NSMCE2: variants seen among roughly 807,000 people sequenced by gnomAD.
NSMCE2 encodes NSE2 SUMO ligase component of SMC5/6 complex, also known as E3 SUMO-protein ligase NSE2.
A neutral mutation model predicts 23.8 loss-of-function variants in NSMCE2; 24 were observed. The ratio of observed to expected loss-of-function variants is 1.01; its 90% CI spans 0.73 to 1.42. The LOEUF (loss-of-function observed/expected upper bound fraction) is 1.42. Among genes scored for constraint, NSMCE2 ranks in the 40% most tolerant of loss-of-function variants. The probability of loss-of-function intolerance (pLI) is 0.00; values close to 1 mark genes in which losing one functional copy is unlikely to be tolerated. For missense variants in NSMCE2, 284 were observed against 296.5 expected (o/e 0.96, Z 0.31); for synonymous variants, 92 against 94.1 (o/e 0.98, Z 0.13).
chr8:125,246,151 T>G (rs1367917548), intron 5 of NSMCE2, among the ~76,000 whole-genome samples: 1 of 152,122 alleles, frequency 6.6e-6, no homozygotes, highest in Non-Finnish European at 1.5e-5. Flanking sequence ...CTGTGACAAT[T>G]CAATCTGCAA....
intron 3 of NSMCE2, among the ~76,000 whole-genome samples, chr8:125,110,818 A>T: frequency 7.5e-6 from 1 of 133,740 alleles, no homozygotes. Context: ...TTTTTTTTAA[A>T]TACCCAAATG....
intron 3 of NSMCE2, among the ~76,000 whole-genome samples, chr8:125,133,844 C>T (rs1344079771): frequency 6.6e-6 from 1 of 150,584 alleles, no homozygotes; most frequent in African/African-American, 2.5e-5. Context: ...GAGAAAACGC[C>T]GTTTATGATT....
chr8:125,236,821 T>C (rs1010233947), intron 5 of NSMCE2, among the ~76,000 whole-genome samples: 8 of 152,176 alleles, frequency 5.3e-5, no homozygotes, highest in East Asian at 3.9e-4. Context: ...TTCTTTCTTT[T>C]TTTTTTTTCT....
chr8:125,301,732 G>A (rs759834563), intron 5 of NSMCE2, among the ~76,000 whole-genome samples: 33 of 148,794 alleles, frequency 2.2e-4, no homozygotes, highest in Non-Finnish European at 2.5e-4. Context: ...GCACAGTCTC[G>A]GCTCACTACA....
At chr8:125,279,639 A>G (rs1468476833) in intron 5 of NSMCE2, among the ~76,000 whole-genome samples, 1 of 152,174 alleles carries the variant, frequency 6.6e-6, no homozygotes, top group Non-Finnish European at 1.5e-5. Flanking sequence ...TGCTACTTTG[A>G]TTTTTCTCTT....
intron 3 of NSMCE2, among the ~76,000 whole-genome samples, chr8:125,112,595 T>C (rs1333147595): frequency 6.6e-6 from 1 of 152,150 alleles, no homozygotes; most frequent in African/African-American, 2.4e-5. Context: ...TGCAACAACA[T>C]GGGTGAATCT....
intron 5 of NSMCE2, among the ~76,000 whole-genome samples, chr8:125,284,233 A>G (rs1019507158): frequency 2.6e-5 from 4 of 151,412 alleles, no homozygotes; most frequent in African/African-American, 9.7e-5. Context: ...AAGTTCTGCC[A>G]CTTTGTTAAA....
intron 4 of NSMCE2, among the ~76,000 whole-genome samples, chr8:125,154,028 TTAAAA>T (rs1467430073): frequency 3.3e-5 from 5 of 152,198 alleles, no homozygotes; most frequent in Non-Finnish European, 2.9e-5. Context: ...AATGAGTTGT[TTAAAA>T]TAAGATTATT....
At chr8:125,180,924 A>T (rs1343676007) in intron 4 of NSMCE2, among the ~76,000 whole-genome samples, 2 of 152,236 alleles carry the variant, frequency 1.3e-5, no homozygotes, top group African/African-American at 2.4e-5. Context: ...GATAAATCAG[A>T]CATCTTTCAA....
At chr8:125,266,382 T>C (rs1480930266) in intron 5 of NSMCE2, among the ~76,000 whole-genome samples, 1 of 152,250 alleles carries the variant, frequency 6.6e-6, no homozygotes, top group Non-Finnish European at 1.5e-5. Context: ...CAGTGGCATG[T>C]CTTATAAAGT....
In NSMCE2 at chr8:125,102,148, T is replaced by TGAGTG. The variant is rs1407787794; in HGVS notation, c.-15+4_-15+8dup. 4 of 562,656 alleles carry TGAGTG rather than the reference T, an allele frequency of 7.1e-6. No homozygotes were observed. The highest frequency in any genetic ancestry group is 1.3e-5 in the Non-Finnish European group (4 of 314,774). The allele number at this position is 562,656 out of a possible 1,614,324, so 34.9% of individuals were successfully genotyped here. ...GTCCAGCTGTGTTTGGTGGCCCAGG[T>TGAGTG]GAGTGGCACAGTGATTTGGTGTCTT... On this transcript the variant is annotated splice_region_variant and intron_variant, in intron 2 of 7. Coordinates refer to ENST00000287437, the MANE Select transcript of NSMCE2 (RefSeq NM_173685.4).
At chr8:125,109,785 G>A (rs1031956405) in intron 3 of NSMCE2, among the ~76,000 whole-genome samples, 9 of 151,982 alleles carry the variant, frequency 5.9e-5, no homozygotes, top group African/African-American at 2.2e-4. Flanking sequence ...CCTGTGTTAC[G>A]TTAGAATATA....
rs529442658 is a variant in NSMCE2 at position 125,311,936 on chromosome 8, C to T, written c.419-45283C>T. On this transcript the variant is annotated intron_variant, in intron 5 of 7. Transcript: ENST00000287437. The stretch of plus-strand genomic sequence containing the variant: ...ATACAAAATTAGCCAGGCATGGTGG[C>T]GCATGCCTGTAATCCCAGCTACTCA... Among the ~76,000 whole-genome samples the T allele has an allele frequency of 8.6e-5, 13 of 151,886 alleles. No individual in the cohort carries two copies. In the East Asian group the frequency reaches 1.4e-3, roughly 16 times the overall value.
intron 3 of NSMCE2, among the ~76,000 whole-genome samples, chr8:125,121,748 G>A (rs561872877): frequency 3.3e-5 from 5 of 152,230 alleles, no homozygotes; most frequent in East Asian, 3.9e-4. Context: ...AATGCCTTAT[G>A]TGTATTCATT....
chr8:125,172,754 G>A (rs2130773152), intron 4 of NSMCE2, among the ~76,000 whole-genome samples: 1 of 152,314 alleles, frequency 6.6e-6, no homozygotes, highest in East Asian at 1.9e-4. Flanking sequence ...AGATACTTTA[G>A]TCTTAGCTTT....
At chr8:125,307,638 G>C (rs1828816865) in intron 5 of NSMCE2, among the ~76,000 whole-genome samples, 1 of 152,234 alleles carries the variant, frequency 6.6e-6, no homozygotes, top group African/African-American at 2.4e-5. Flanking sequence ...CCAAGAGGAA[G>C]CTACAGGGTT....
intron 5 of NSMCE2, among the ~76,000 whole-genome samples, chr8:125,246,403 C>T (rs1267204020): frequency 4.6e-5 from 7 of 151,986 alleles, no homozygotes; most frequent in South Asian, 4.1e-4. Context: ...CAGCTGCTCT[C>T]GATCTCCTGA....
chr8:125,219,791 C>T (rs2130912885), intron 5 of NSMCE2, among the ~76,000 whole-genome samples: 1 of 152,262 alleles, frequency 6.6e-6, no homozygotes, highest in Non-Finnish European at 1.5e-5. Context: ...ATTGAAAACA[C>T]CACACCAACT....
intron 4 of NSMCE2, among the ~76,000 whole-genome samples, chr8:125,159,887 G>A (rs1821514081): frequency 6.6e-6 from 1 of 151,882 alleles, no homozygotes; most frequent in South Asian, 2.1e-4. Context: ...TTGAACCCAG[G>A]AGGCAGAGGT....
Sources: allele counts gnomAD v4.1 joint callset (sites outside exome capture counted in the v4.1 genomes callset), GRCh38; gene constraint gnomAD v4.1.1; transcripts MANE v1.5; gene names NCBI Gene and HGNC (gene_info 2026-07-23, HGNC 2026-07-21).